Variants in PCNX2 observed in about 807,000 individuals in gnomAD.
The protein encoded by PCNX2 is pecanex 2.
In PCNX2, 168 loss-of-function variants were observed where a neutral mutation model predicts 223.8. The ratio of observed to expected loss-of-function variants is 0.75; its 90% CI spans 0.66 to 0.85. The LOEUF is 0.85. Among genes scored for constraint, PCNX2 ranks in the 40% least tolerant of loss-of-function variants. The probability of loss-of-function intolerance (pLI) is 0.00; values close to 1 mark genes in which losing one functional copy is unlikely to be tolerated. For synonymous variants in PCNX2, 1,006 were observed against 1,052.6 expected (o/e 0.96, Z 0.86); for missense variants, 2,507 against 2,675.5 (o/e 0.94, Z 1.39).
intron 17 of PCNX2, among the ~76,000 whole-genome samples, chr1:233,170,512 A>G (rs1045815793): frequency 6.6e-6 from 1 of 152,184 alleles, no homozygotes; most frequent in Non-Finnish European, 1.5e-5. Context: ...TTATTGATTT[A>G]GAGGAATCTT....
the PCNX2 span, among the ~76,000 whole-genome samples, chr1:233,302,785 T>C: frequency 2.6e-5 from 4 of 152,124 alleles, no homozygotes; most frequent in Admixed American, 6.5e-5. Flanking sequence ...GACCTATAGA[T>C]TATTTCGAAG....
In PCNX2 at chr1:233,258,187, A is replaced by C; in HGVS notation, c.1675T>G (p.Ser559Ala). 6.2e-7 allele frequency: 1 copy of C among 1,613,928 alleles called. No homozygotes were observed. Residue 559 changes from serine (S) to alanine (A), a missense_variant, in exon 5 of 34, where the codon TCC becomes GCC. Coordinates refer to ENST00000258229, the MANE Select transcript of PCNX2 (RefSeq NM_014801.4). ...VNDTEKTMPT[S>A]KSDLEAKEGQ... is the part of the protein sequence containing the mutation. ...TCCTTAGCCTCTAGGTCAGATTTGGAAGTTGGCATTGTTTTCTCTGTATCG... is the reference window on the plus strand; with the variant it reads ...TCCTTAGCCTCTAGGTCAGATTTGGCAGTTGGCATTGTTTTCTCTGTATCG...
intron 32 of PCNX2, among the ~76,000 whole-genome samples, chr1:232,987,755 C>T (rs1669544550): frequency 6.6e-6 from 1 of 152,178 alleles, no homozygotes; most frequent in South Asian, 2.1e-4. Flanking sequence ...AGGGTTCCTT[C>T]CAGCCCCACC....
At chr1:233,144,960 T>G (rs1571961953) in intron 19 of PCNX2, among the ~76,000 whole-genome samples, 2 of 110,268 alleles carry the variant, frequency 1.8e-5, no homozygotes, top group East Asian at 2.9e-4. Context: ...TTTGTTTTTT[T>G]TTTTTGTTTC....
At chr1:233,010,994 C>T (rs925212497) in intron 28 of PCNX2, among the ~76,000 whole-genome samples, 1 of 152,196 alleles carries the variant, frequency 6.6e-6, no homozygotes, top group African/African-American at 2.4e-5. Flanking sequence ...TCACCATCAC[C>T]TGATGTGCTT....
At chr1:233,169,606 C>T (rs1261921792) in intron 17 of PCNX2, among the ~76,000 whole-genome samples, 17 of 144,908 alleles carry the variant, frequency 1.2e-4, no homozygotes, top group Non-Finnish European at 1.5e-4. Context: ...GATCGCGCCA[C>T]TGCACTCCAG....
intron 21 of PCNX2, among the ~76,000 whole-genome samples, chr1:233,133,344 G>T (rs568492625): frequency 7.6e-4 from 116 of 152,322 alleles, no homozygotes; most frequent in African/African-American, 2.4e-3. Context: ...AAGGAAAATA[G>T]CTTATGGAAG....
intron 8 of PCNX2, among the ~76,000 whole-genome samples, chr1:233,246,638 C>G (rs1398579434): frequency 1.3e-5 from 2 of 152,160 alleles, no homozygotes; most frequent in Non-Finnish European, 2.9e-5. Context: ...TCGTTCAGGG[C>G]CACGAACTGC....
intron 23 of PCNX2, 59 bp downstream of exon 23, chr1:233,090,002 G>A: frequency 1.2e-6 from 2 of 1,607,936 alleles, no homozygotes; most frequent in Non-Finnish European, 1.7e-6. Context: ...GGAAGGCAGA[G>A]GAGCCTTCTG....
chr1:233,031,155 G>A (rs977327258), intron 25 of PCNX2, among the ~76,000 whole-genome samples: 6 of 152,156 alleles, frequency 3.9e-5, no homozygotes, highest in African/African-American at 1.2e-4. Context: ...GAAAAGTATT[G>A]ATTAATGTAA....
intron 5 of PCNX2, among the ~76,000 whole-genome samples, chr1:233,256,084 T>A (rs926067901): frequency 6.6e-6 from 1 of 152,184 alleles, no homozygotes; most frequent in Non-Finnish European, 1.5e-5. Flanking sequence ...AAGTTCTTGA[T>A]AACTAAGCCT....
At chr1:233,263,452 A>ATT (rs67108893) in intron 1 of PCNX2, among the ~76,000 whole-genome samples, 41 of 126,758 alleles carry the variant, frequency 3.2e-4, no homozygotes, top group South Asian at 5.1e-4. Context: ...AAACCTCTCC[A>ATT]TTTTTTTTTT....
At chr1:233,011,049 C>A (rs933385663) in intron 28 of PCNX2, among the ~76,000 whole-genome samples, 3 of 152,184 alleles carry the variant, frequency 2.0e-5, no homozygotes, top group Non-Finnish European at 4.4e-5. Flanking sequence ...TCCTACAGTA[C>A]ACCTAAGGAC....
intron 4 of PCNX2, chr1:233,259,810 G>A (rs1659954103): frequency 1.1e-6 from 1 of 879,888 alleles, no homozygotes. Context: ...ATTTACGGCT[G>A]CATTGATACT....
At chr1:233,184,242 G>C (rs1174141128) in intron 15 of PCNX2, among the ~76,000 whole-genome samples, 1 of 151,830 alleles carries the variant, frequency 6.6e-6, no homozygotes, top group African/African-American at 2.4e-5. Context: ...TCAGAGAAAA[G>C]GTCAAGGGAA....
upstream of PCNX2, among the ~76,000 whole-genome samples, chr1:233,298,797 G>A (rs142048692): frequency 2.6e-4 from 39 of 152,216 alleles, no homozygotes; most frequent in African/African-American, 5.8e-4. Context: ...GCTGAGAATC[G>A]CTTGAACCTG....
the PCNX2 span, among the ~76,000 whole-genome samples, chr1:233,309,670 G>A: frequency 6.6e-6 from 1 of 152,048 alleles, no homozygotes; most frequent in Admixed American, 6.6e-5. Context: ...CTGAGGTCAG[G>A]AATTCAAGAC....
chr1:233,199,795 TACACACACACAC>T (rs60556502), intron 14 of PCNX2, among the ~76,000 whole-genome samples: 1 of 147,868 alleles, frequency 6.8e-6, no homozygotes, highest in African/African-American at 2.5e-5. Flanking sequence ...TGTGCTCAAA[TACACACACACAC>T]ACACACACAC....
At chr1:233,227,148 T>G in intron 10 of PCNX2, 78 bp downstream of exon 10, 2 of 1,419,330 alleles carry the variant, frequency 1.4e-6, no homozygotes, top group Non-Finnish European at 1.9e-6. Flanking sequence ...GACAATGTTC[T>G]CTTTGAAAGC....
Sources: gnomAD v4.1 joint callset for allele counts (sites outside exome capture counted in the v4.1 genomes callset) on GRCh38, gnomAD v4.1.1 for gene constraint, MANE v1.5 for transcripts, NCBI Gene and HGNC (gene_info 2026-07-23, HGNC 2026-07-21) for gene names.